MAPK6: variants seen among roughly 807,000 people sequenced by gnomAD.
MAPK6 encodes the protein mitogen-activated protein kinase 6, also known as ERK-3.
MAPK6 carries 19 observed loss-of-function variants against 59.3 expected under a neutral mutation model. That is an observed-to-expected ratio of 0.32 (90% confidence interval 0.22 to 0.47). The LOEUF (loss-of-function observed/expected upper bound fraction) is 0.47. Among genes scored for constraint, MAPK6 ranks in the 20% least tolerant of loss-of-function variants. The probability of loss-of-function intolerance (pLI) is 1.00; values close to 1 mark genes in which losing one functional copy is unlikely to be tolerated. For synonymous variants in MAPK6, 316 were observed against 290.3 expected, an observed-to-expected ratio of 1.09 and a Z score of -0.90; for missense variants, 724 against 847.9, an observed-to-expected ratio of 0.85 and a Z score of 1.81.
intron 1 of MAPK6, among the ~76,000 whole-genome samples, chr15:52,039,282 T>A (rs1353622262): frequency 6.6e-6 from 1 of 152,016 alleles, no homozygotes; most frequent in Non-Finnish European, 1.5e-5. Context: ...CACGCCTGGC[T>A]GTAACTAGAC....
intron 1 of MAPK6, among the ~76,000 whole-genome samples, chr15:52,029,529 C>G (rs1026155179): frequency 1.3e-5 from 2 of 152,180 alleles, no homozygotes; most frequent in African/African-American, 4.8e-5. Context: ...GAGCTCCAGA[C>G]ATATTATCCA....
At position 52,045,827 on chromosome 15, in the gene MAPK6, C is replaced by CA. The variant is rs2141085304; in HGVS notation, c.-631-2dup. On this transcript the variant is annotated splice_polypyrimidine_tract_variant and splice_region_variant and intron_variant, in intron 1 of 5. Coordinates refer to ENST00000261845, the MANE Select transcript of MAPK6 (RefSeq NM_002748.4). ...GACTCTCTTCTTTTTCTCATCCCCCCAGGTTGTATCAGAGTAAGATGGACG... is the reference window on the plus strand; with the variant it reads ...GACTCTCTTCTTTTTCTCATCCCCCCAAGGTTGTATCAGAGTAAGATGGACG... 6.5e-6 allele frequency: 1 copy of CA among 152,730 alleles called. No homozygotes were observed. Among genetic ancestry groups the CA allele is most frequent in the South Asian group, 2.1e-4 (1 of 4,818 alleles). The allele number at this position is 152,730 out of a possible 1,614,324, so 9.5% of individuals were successfully genotyped here.
chr15:52,043,941 A>G (rs1158732937), intron 1 of MAPK6, among the ~76,000 whole-genome samples: 1 of 150,630 alleles, frequency 6.6e-6, no homozygotes, highest in East Asian at 2.0e-4. Flanking sequence ...ACGCCTGGCT[A>G]CTTTTTGTAT....
In MAPK6 at chr15:51,994,334, G is replaced by A. The variant is rs190235498; in HGVS notation, c.-769-9931G>A. Among the ~76,000 whole-genome samples the A allele has an allele frequency of 3.5e-3, 537 of 152,270 alleles. 4 individuals are homozygous for A. Among genetic ancestry groups the A allele is most frequent in the Middle Eastern group, 0.02 (6 of 294 alleles). ...TTGGAGAATGGCTGATTCCCGGGCT[G>A]AGGCAGATGCTGGGCATGGTGGCTC... On this transcript the variant is annotated intron_variant, in intron 2 of 7. Coordinates refer to the MAPK6 transcript ENST00000691380.
chr15:52,063,031 C>CT (rs997386037), intron 5 of MAPK6, among the ~76,000 whole-genome samples: 1 of 152,138 alleles, frequency 6.6e-6, no homozygotes, highest in Non-Finnish European at 1.5e-5. Context: ...CTGCAAACTA[C>CT]TTTTTTTCTC....
At chr15:52,052,203 C>T (rs1046616430) in intron 3 of MAPK6, among the ~76,000 whole-genome samples, 1 of 152,128 alleles carries the variant, frequency 6.6e-6, no homozygotes, top group Admixed American at 6.6e-5. Context: ...AGCAGTTACC[C>T]TGAAGTCTTG....
rs188590360 is a variant in MAPK6 at position 52,044,213 on chromosome 15, C to A, written c.-631-1617C>A. Reference sequence around the variant, plus strand: ...GCTAGGAGGGCTGATTTCTGAGAAGCAGAGAAAAACTTGTAGACAGGAGAA... The same window carrying A: ...GCTAGGAGGGCTGATTTCTGAGAAGAAGAGAAAAACTTGTAGACAGGAGAA... On this transcript the variant is annotated intron_variant, in intron 1 of 5. Transcript: ENST00000261845. Among the ~76,000 whole-genome samples, 1,000 of 151,928 alleles carry A rather than the reference C, an allele frequency of 6.6e-3. 5 individuals carry two copies. Among genetic ancestry groups the A allele is most frequent in the Non-Finnish European group, 9.8e-3 (666 of 67,962 alleles).
chr15:52,037,907 C>G (rs1242153455), intron 1 of MAPK6, among the ~76,000 whole-genome samples: 1 of 152,094 alleles, frequency 6.6e-6, no homozygotes, highest in Non-Finnish European at 1.5e-5. Flanking sequence ...GTCCCCAAAG[C>G]TACTTAGTCC....
At chr15:52,005,807 C>T (rs889595031) in intron 3 of MAPK6, among the ~76,000 whole-genome samples, 4 of 152,146 alleles carry the variant, frequency 2.6e-5, no homozygotes, top group African/African-American at 9.7e-5. Flanking sequence ...CCTAGGTCTG[C>T]TGACTACCGT....
intron 2 of MAPK6, among the ~76,000 whole-genome samples, chr15:52,003,210 C>CA (rs561030783): frequency 2.6e-5 from 4 of 151,336 alleles, no homozygotes; most frequent in East Asian, 1.9e-4. Flanking sequence ...AAAAAACAAA[C>CA]AAAAAAAACA....
chr15:51,993,075 C>A (rs1052925229), intron 2 of MAPK6, among the ~76,000 whole-genome samples: 1 of 152,154 alleles, frequency 6.6e-6, no homozygotes, highest in African/African-American at 2.4e-5. Context: ...AAATTTCTAA[C>A]CCTCCAATCA....
rs1339215784 is a variant in MAPK6 at position 52,064,992 on chromosome 15, C to T, written c.2158C>T (p.Leu720=). The change falls in exon 6 of 6, where the codon CTG becomes TTG. Residue 720 remains leucine, a synonymous_variant. Transcript: ENST00000261845. ...AACATACAGCAGCATTCTGAAACATCTGAACTAAAACACTCAGCAGACATT... is the reference window on the plus strand; with the variant it reads ...AACATACAGCAGCATTCTGAAACATTTGAACTAAAACACTCAGCAGACATT... The part of the protein sequence containing the change: ...HQTYSSILKH[L]N 1 of 1,605,134 alleles carries T rather than the reference C, an allele frequency of 6.2e-7. No homozygotes were observed. The highest frequency in any genetic ancestry group is 1.7e-5 in the Admixed American group (1 of 59,774).
At chr15:52,022,891 CG>C (rs2030590828) in intron 1 of MAPK6, among the ~76,000 whole-genome samples, 1 of 151,820 alleles carries the variant, frequency 6.6e-6, no homozygotes, top group Admixed American at 6.6e-5. Context: ...AGGCAGATCA[CG>C]AGGTCAGGAA....
chr15:51,971,976 G>T (rs536085911), intron 1 of MAPK6, among the ~76,000 whole-genome samples: 48 of 152,088 alleles, frequency 3.2e-4, no homozygotes, highest in Admixed American at 2.0e-4. Flanking sequence ...ACCAGGGGGC[G>T]GGGGGGTCCT....
At chr15:51,991,906 T>A (rs370112985) in intron 2 of MAPK6, among the ~76,000 whole-genome samples, 1 of 152,200 alleles carries the variant, frequency 6.6e-6, no homozygotes, top group Non-Finnish European at 1.5e-5. Flanking sequence ...ATTTGAAGTA[T>A]CTTTGTATAG....
chr15:52,056,439 G>C (rs1018147794), intron 3 of MAPK6, among the ~76,000 whole-genome samples: 1 of 151,840 alleles, frequency 6.6e-6, no homozygotes, highest in Non-Finnish European at 1.5e-5. Flanking sequence ...CTTCTCAAAA[G>C]ATGCGTGCAT....
At chr15:52,010,827 A>G (rs916468834) in intron 3 of MAPK6, among the ~76,000 whole-genome samples, 7 of 151,980 alleles carry the variant, frequency 4.6e-5, no homozygotes, top group African/African-American at 1.7e-4. Context: ...CGGAGGGGAT[A>G]CTCTTGTTGC....
intron 1 of MAPK6, among the ~76,000 whole-genome samples, chr15:52,022,757 G>A (rs553249388): frequency 5.1e-4 from 78 of 152,066 alleles, no homozygotes; most frequent in African/African-American, 1.7e-3. Context: ...GAGGTTTAAC[G>A]TATTTTCGGC....
chr15:52,023,961 C>A (rs1014367093), intron 1 of MAPK6, among the ~76,000 whole-genome samples: 17 of 152,130 alleles, frequency 1.1e-4, no homozygotes, highest in African/African-American at 3.9e-4. Flanking sequence ...CTTCTAAGTC[C>A]ATTTCTAAAA....
Sources: gnomAD v4.1 joint callset for allele counts (sites outside exome capture counted in the v4.1 genomes callset) on GRCh38, gnomAD v4.1.1 for gene constraint, MANE v1.5 for transcripts, NCBI Gene and HGNC (gene_info 2026-07-23, HGNC 2026-07-21) for gene names.